TMEM91: variants seen among roughly 807,000 people sequenced by gnomAD.
TMEM91 encodes the protein transmembrane protein 91.
A neutral mutation model predicts 13.3 loss-of-function variants in TMEM91; 6 were observed. That is an observed-to-expected ratio of 0.45 (90% confidence interval 0.25 to 0.89). The LOEUF (loss-of-function observed/expected upper bound fraction) is 0.89, where lower values mean the gene tolerates loss of function less well. Ranked by LOEUF, TMEM91 falls within the 40% of genes least tolerant of loss-of-function variation. The probability of loss-of-function intolerance (pLI) is 0.19; values close to 1 mark genes in which losing one functional copy is unlikely to be tolerated. For synonymous variants in TMEM91, 87 were observed against 101.7 expected (o/e 0.86, Z 0.87); for missense variants, 193 against 228.7 (o/e 0.84, Z 1.01).
upstream of TMEM91, among the ~76,000 whole-genome samples, chr19:41,371,600 A>G (rs915886388): frequency 6.6e-6 from 1 of 151,066 alleles, no homozygotes. Flanking sequence ...TTGTATTTTT[A>G]GTAGAGATGG....
intron 1 of TMEM91, among the ~76,000 whole-genome samples, chr19:41,369,781 C>CT (rs2038585767): frequency 6.6e-6 from 1 of 152,084 alleles, no homozygotes; most frequent in African/African-American, 2.4e-5. Context: ...GCACTCCAGC[C>CT]TGGGTGACAG....
At chr19:41,371,326 C>CTTCCT (rs2038614691) in intron 1 of TMEM91, among the ~76,000 whole-genome samples, 1 of 142,900 alleles carries the variant, frequency 7.0e-6, no homozygotes, top group East Asian at 2.0e-4. Flanking sequence ...TCCTTCCTTC[C>CTTCCT]TTCCTTCCTT....
intron 1 of TMEM91, among the ~76,000 whole-genome samples, chr19:41,370,656 C>T (rs746766420): frequency 5.9e-5 from 9 of 152,054 alleles, no homozygotes; most frequent in African/African-American, 1.4e-4. Flanking sequence ...CCACCCGCCT[C>T]GGCCTCCCAA....
intron 1 of TMEM91, among the ~76,000 whole-genome samples, chr19:41,364,794 T>A (rs929662517): frequency 6.6e-6 from 1 of 151,976 alleles, no homozygotes; most frequent in African/African-American, 2.4e-5. Context: ...TCCTATTGAT[T>A]GATTTATCAA....
At chr19:41,367,689 A>C (rs2038550361) in intron 1 of TMEM91, among the ~76,000 whole-genome samples, 2 of 152,204 alleles carry the variant, frequency 1.3e-5, no homozygotes, top group South Asian at 4.1e-4. Context: ...GCTGGAGTGC[A>C]GTGGCACAAT....
rs754822203 is a variant in TMEM91, at chr19:41,383,716, CCAA to C, written c.366_368del (p.Asn122del). Reference sequence around the variant, plus strand: ...CACTGCTGCCCACTGCCTCTACAGACCAACAAGGCTTGGGCCAAGGGGGACATC... The same window carrying C: ...CACTGCTGCCCACTGCCTCTACAGACCAAGGCTTGGGCCAAGGGGGACATC... On this transcript the variant is annotated inframe_deletion and splice_region_variant, in exon 4 of 4. Coordinates refer to ENST00000392002, the MANE Select transcript of TMEM91 (RefSeq NM_001098821.2). 8 of 1,611,884 alleles carry C rather than the reference CCAA, an allele frequency of 5.0e-6. No homozygotes were observed. Among genetic ancestry groups the C allele is most frequent in the South Asian group, 4.4e-5 (4 of 90,878 alleles).
chr19:41,376,106 C>G (rs545758847), upstream of TMEM91: 1 of 149,796 alleles, frequency 6.7e-6, no homozygotes, highest in South Asian at 2.1e-4. Flanking sequence ...GGCGACAGAG[C>G]AAGACTCCGT....
upstream of TMEM91, among the ~76,000 whole-genome samples, chr19:41,372,133 G>T (rs886985458): frequency 9.2e-5 from 14 of 152,054 alleles, no homozygotes; most frequent in Non-Finnish European, 2.1e-4. Context: ...GATCACTTGA[G>T]GGTAGGAGTT....
intron 2 of TMEM91, among the ~76,000 whole-genome samples, chr19:41,378,970 C>A (rs1410793311): frequency 6.6e-6 from 1 of 151,718 alleles, no homozygotes; most frequent in Non-Finnish European, 1.5e-5. Flanking sequence ...TAGCTGGGAC[C>A]ACAGGCATGT....
intron 1 of TMEM91, among the ~76,000 whole-genome samples, chr19:41,364,330 A>T (rs1295384587): frequency 1.3e-5 from 2 of 152,140 alleles, no homozygotes; most frequent in Non-Finnish European, 2.9e-5. Flanking sequence ...CGTGGCTAGG[A>T]AGCTGCCATG....
At chr19:41,375,280 T>C (rs1424242199), upstream of TMEM91, among the ~76,000 whole-genome samples, 1 of 79,326 alleles carries the variant, frequency 1.3e-5, no homozygotes, top group Non-Finnish European at 2.9e-5. Context: ...TTTCTTTTTT[T>C]TTTTTTTTTT....
intron 2 of TMEM91, among the ~76,000 whole-genome samples, chr19:41,378,951 C>T (rs1159259902): frequency 6.6e-6 from 1 of 151,880 alleles, no homozygotes; most frequent in Non-Finnish European, 1.5e-5. Flanking sequence ...CCCACCTCAG[C>T]CTCCTGAGTA....
chr19:41,372,604 G>A (rs1167973440), upstream of TMEM91, among the ~76,000 whole-genome samples: 1 of 151,986 alleles, frequency 6.6e-6, no homozygotes, highest in East Asian at 1.9e-4. Flanking sequence ...CCCTCATTTT[G>A]GCTTTGTCTC....
At chr19:41,374,982 TCAAA>T (rs371741767), upstream of TMEM91, among the ~76,000 whole-genome samples, 64 of 151,808 alleles carry the variant, frequency 4.2e-4, no homozygotes, top group African/African-American at 8.7e-4. Context: ...AAACTCCATC[TCAAA>T]CAAACAAACA....
At chr19:41,375,827 T>TAA (rs111892267), upstream of TMEM91, among the ~76,000 whole-genome samples, 1 of 134,104 alleles carries the variant, frequency 7.5e-6, no homozygotes, top group African/African-American at 2.7e-5. Context: ...AAAATAATAA[T>TAA]AAAAAAAAAA....
intron 1 of TMEM91, among the ~76,000 whole-genome samples, chr19:41,370,015 C>G (rs1240618033): frequency 6.6e-6 from 1 of 152,076 alleles, no homozygotes; most frequent in African/African-American, 2.4e-5. Flanking sequence ...CCTATTCCCC[C>G]CTCTTCTGCA....
chr19:41,373,718 T>C (rs2038660075), upstream of TMEM91, among the ~76,000 whole-genome samples: 1 of 146,922 alleles, frequency 6.8e-6, no homozygotes, highest in Non-Finnish European at 1.5e-5. Flanking sequence ...ACTCCGTCTC[T>C]ACTAAAAGTA....
chr19:41,371,756 AAGTACGTCATGTAAGTGGAATCCTAC>A (rs1484976186), upstream of TMEM91, among the ~76,000 whole-genome samples: 1 of 151,974 alleles, frequency 6.6e-6, no homozygotes, highest in Admixed American at 6.6e-5. Flanking sequence ...TGACTACTCT[AAGTACGTCATGTAAGTGGAATCCTAC>A]AGTATTTGTC....
At chr19:41,369,255 A>G (rs958353395) in intron 1 of TMEM91, among the ~76,000 whole-genome samples, 5 of 151,954 alleles carry the variant, frequency 3.3e-5, no homozygotes, top group Non-Finnish European at 5.9e-5. Context: ...TCTCCTCACC[A>G]CAACCTCTGC....
Sources: gnomAD v4.1 joint callset for allele counts (sites outside exome capture counted in the v4.1 genomes callset) on GRCh38, gnomAD v4.1.1 for gene constraint, MANE v1.5 for transcripts, NCBI Gene and HGNC (gene_info 2026-07-23, HGNC 2026-07-21) for gene names.